PTCHD4: variants seen among roughly 807,000 people sequenced by gnomAD.
PTCHD4 encodes the protein patched domain-containing protein 4.
Under a neutral mutation model 58.1 loss-of-function variants are expected in PTCHD4, and 33 were observed. The observed-to-expected ratio is 0.57, with a 90% CI of 0.43 to 0.76. The LOEUF is 0.76. Ranked by LOEUF, PTCHD4 falls within the 30% of genes least tolerant of loss-of-function variation. PTCHD4 has a pLI of 0.00. For missense variants in PTCHD4, 1,058 were observed against 1,027.1 expected (o/e 1.03, Z -0.41); for synonymous variants, 478 against 409.6 (o/e 1.17, Z -2.02).
intron 1 of PTCHD4, among the ~76,000 whole-genome samples, chr6:48,072,506 G>A (rs1562039911): frequency 6.6e-6 from 1 of 151,976 alleles, no homozygotes; most frequent in East Asian, 1.9e-4. Context: ...TTGTGTATCT[G>A]TCCTATCCCA....
At position 47,876,022 on chromosome 6, in the gene PTCHD4, AC is replaced by A. The variant is rs1763839660; in HGVS notation, c.*2280del. Among the ~76,000 whole-genome samples the A allele has an allele frequency of 6.6e-6, 1 of 151,752 alleles. No homozygotes were observed. Among genetic ancestry groups the A allele is most frequent in the South Asian group, 2.1e-4 (1 of 4,826 alleles). ...TAAAAATCTTCCATATCAAATCTTT[AC>A]AAATGATGGGTAATCTGTAAGAGGA... On this transcript the variant is annotated 3_prime_UTR_variant, in exon 5 of 5. Coordinates refer to ENST00000339488, the MANE Select transcript of PTCHD4 (RefSeq NM_001384253.1).
Position 47,932,708 on chromosome 6 carries a change from C to T in PTCHD4, c.899-52772G>A, listed in dbSNP as rs562352684. Among the ~76,000 whole-genome samples the T allele has an allele frequency of 2.7e-4, 41 of 152,322 alleles. No homozygotes were observed. The South Asian group carries it at 7.0e-3, about 26-fold the overall frequency. On this transcript the variant is annotated intron_variant, in intron 4 of 4. Coordinates refer to ENST00000339488, the MANE Select transcript of PTCHD4 (RefSeq NM_001384253.1). ...GGGCGCCCACATATTCTGGAGCAAG[C>T]GCAAGGCTAGTTCTGTGTGGTACAG...
At chr6:48,088,783 C>T (rs991673331) in intron 1 of PTCHD4, among the ~76,000 whole-genome samples, 6 of 152,122 alleles carry the variant, frequency 3.9e-5, no homozygotes, top group Non-Finnish European at 7.4e-5. Flanking sequence ...GTAGCTCACT[C>T]CTGTAATCCC....
chr6:47,899,503 G>T, intron 4 of PTCHD4: 28 of 778,724 alleles, frequency 3.6e-5, no homozygotes, highest in Non-Finnish European at 4.4e-5. Flanking sequence ...ATTAGGGACA[G>T]AAAATGAGTC....
At chr6:48,057,432 A>G (rs1243639917) in intron 3 of PTCHD4, among the ~76,000 whole-genome samples, 1 of 152,190 alleles carries the variant, frequency 6.6e-6, no homozygotes, top group African/African-American at 2.4e-5. Flanking sequence ...TAAGAAAGCT[A>G]AATGCCCTAT....
In PTCHD4 at chr6:48,077,794, G is replaced by A. The variant is rs144978856; in HGVS notation, c.-969-7868C>T. Among the ~76,000 whole-genome samples, 411 of 152,278 alleles carry A rather than the reference G, an allele frequency of 2.7e-3. 2 individuals carry two copies. Among genetic ancestry groups the A allele is most frequent in the African/African-American group, 8.5e-3 (352 of 41,558 alleles). On this transcript the variant is annotated intron_variant, in intron 1 of 4. Transcript: ENST00000339488. The stretch of plus-strand genomic sequence containing the variant: ...AGAGAGATGAAGGAGCTGCTGGTTG[G>A]TGGAGCATTCAGAACACACACAGTA...
At position 47,891,707 on chromosome 6, in the gene PTCHD4, G is replaced by A. The variant is rs551058231; in HGVS notation, c.899-11771C>T. Among the ~76,000 whole-genome samples, 115 of 152,066 alleles carry A rather than the reference G, an allele frequency of 7.6e-4. 1 individual carries two copies. Among genetic ancestry groups the A allele is most frequent in the African/African-American group, 2.5e-3 (103 of 41,502 alleles). Reference sequence around the variant, plus strand: ...TCTAACATTTGCAACAGTCATATAAGTCCATTTTAATACCTTCTTCCTAAA... The same window carrying A: ...TCTAACATTTGCAACAGTCATATAAATCCATTTTAATACCTTCTTCCTAAA... On this transcript the variant is annotated intron_variant, in intron 4 of 4. Transcript: ENST00000339488.
intron 4 of PTCHD4, chr6:47,901,257 T>C (rs1415491168): frequency 1.8e-5 from 3 of 164,196 alleles, no homozygotes; most frequent in Non-Finnish European, 3.8e-5. Context: ...TGCTAGTATT[T>C]TATTGAGAAT....
intron 3 of PTCHD4, among the ~76,000 whole-genome samples, chr6:48,027,521 T>C (rs1159843140): frequency 6.6e-6 from 1 of 152,158 alleles, no homozygotes; most frequent in Non-Finnish European, 1.5e-5. Flanking sequence ...TAAAATTGTT[T>C]CCAAAATCTC....
rs747307252 is a variant in PTCHD4 at position 48,068,207 on chromosome 6, T to A, written c.417+23A>T. 1 of 1,523,604 alleles carries A rather than the reference T, an allele frequency of 6.6e-7. No individual in the cohort carries two copies. 94.4% of individuals were successfully genotyped at this position (1,523,604 alleles called of 1,614,324 possible). On this transcript the variant is annotated intron_variant, in intron 3 of 4. Coordinates refer to ENST00000339488, the MANE Select transcript of PTCHD4 (RefSeq NM_001384253.1). The surrounding 1 kb of genome is among the most constrained non-coding windows in gnomAD (Gnocchi z 4.2). Reference sequence around the variant, plus strand: ...CAACACACACAGATGGGAAAAAGTATAATTATAGCCCTTGTGGTTCACCTT... The same window carrying A: ...CAACACACACAGATGGGAAAAAGTAAAATTATAGCCCTTGTGGTTCACCTT...
At chr6:47,927,300 T>C (rs1273833355) in intron 4 of PTCHD4, among the ~76,000 whole-genome samples, 2 of 152,066 alleles carry the variant, frequency 1.3e-5, no homozygotes, top group African/African-American at 4.8e-5. Context: ...AGGGAGAATG[T>C]GGGTGGTAGT....
chr6:47,916,885 C>G (rs1765275686), intron 4 of PTCHD4, among the ~76,000 whole-genome samples: 1 of 152,040 alleles, frequency 6.6e-6, no homozygotes, highest in Admixed American at 6.6e-5. Flanking sequence ...AATAAAACAA[C>G]TTTGTATTTA....
rs189448544 is a variant in PTCHD4, at chr6:47,955,819, A to G, written c.898+52815T>C. ...TGTGAAAAACACTGAGAGTGTGTGC[A>G]TTTAGGAGTATAGTAAGAGATAAGC... On this transcript the variant is annotated intron_variant, in intron 4 of 4. Transcript: ENST00000339488. 2.0e-3 allele frequency among the ~76,000 whole-genome samples: 302 copies of G among 152,286 alleles called. 4 individuals are homozygous for G. Among genetic ancestry groups the G allele is most frequent in the Non-Finnish European group, 2.2e-3 (148 of 68,014 alleles).
intron 4 of PTCHD4, among the ~76,000 whole-genome samples, chr6:47,965,658 T>G (rs186263183): frequency 3.4e-4 from 52 of 152,280 alleles, no homozygotes; most frequent in African/African-American, 9.9e-4. Flanking sequence ...GCCTGGAGCG[T>G]TGGCTCACAC....
At chr6:47,887,433 AG>A (rs1421912514) in intron 4 of PTCHD4, among the ~76,000 whole-genome samples, 13 of 152,256 alleles carry the variant, frequency 8.5e-5, no homozygotes, top group African/African-American at 2.9e-4. Flanking sequence ...TTTACTGAGA[AG>A]GAAACTTGCT....
At chr6:48,011,270 T>C (rs545036543) in intron 3 of PTCHD4, among the ~76,000 whole-genome samples, 22 of 152,342 alleles carry the variant, frequency 1.4e-4, no homozygotes, top group Non-Finnish European at 2.9e-4. Flanking sequence ...TGATTACCAC[T>C]CTAACTGGCA....
At chr6:47,977,808 T>C (rs1767750534) in intron 4 of PTCHD4, among the ~76,000 whole-genome samples, 1 of 152,148 alleles carries the variant, frequency 6.6e-6, no homozygotes, top group African/African-American at 2.4e-5. Context: ...AATAGCACAC[T>C]CTATTTATAC....
chr6:48,084,000 T>A (rs886426328), intron 1 of PTCHD4, among the ~76,000 whole-genome samples: 5 of 152,094 alleles, frequency 3.3e-5, no homozygotes, highest in African/African-American at 1.2e-4. Context: ...ATGGGAGTTG[T>A]AAGCCACTAA....
chr6:47,986,645 T>A (rs866115063), intron 4 of PTCHD4, among the ~76,000 whole-genome samples: 4 of 152,214 alleles, frequency 2.6e-5, no homozygotes, highest in Non-Finnish European at 4.4e-5. Context: ...ATCAAGTCAT[T>A]GAATCTATTC....
Sources: allele counts gnomAD v4.1 joint callset (sites outside exome capture counted in the v4.1 genomes callset), GRCh38; gene constraint gnomAD v4.1.1; non-coding constraint Gnocchi (gnomAD v3.1); transcripts MANE v1.5; gene names NCBI Gene and HGNC (gene_info 2026-07-23, HGNC 2026-07-21).